SLC22A5: variants seen among roughly 807,000 people sequenced by gnomAD.
The protein encoded by SLC22A5 is organic cation/carnitine transporter 2.
SLC22A5 carries 44 observed loss-of-function variants against 56.7 expected under a neutral mutation model. That is an observed-to-expected ratio of 0.78 (90% CI 0.61 to 1.00). The LOEUF is 1.00. Ranked by LOEUF, SLC22A5 falls within the 50% of genes least tolerant of loss-of-function variation. The pLI is 0.00. For missense variants in SLC22A5, 675 were observed against 723.0 expected (o/e 0.93, Z 0.76); for synonymous variants, 278 against 292.1 (o/e 0.95, Z 0.49).
chr5:132,371,994 T>C (rs1751953166), intron 1 of SLC22A5, among the ~76,000 whole-genome samples: 1 of 152,168 alleles, frequency 6.6e-6, no homozygotes, highest in Non-Finnish European at 1.5e-5. Context: ...TGTGTGTGTT[T>C]TTTCTTTTTG....
Position 132,390,684 on chromosome 5 carries a change from T to C in SLC22A5, c.1053-6T>C, listed in dbSNP as rs1752665099. ...TTTTCCAGCTTTCTTCTGCACTCTG[T>C]TTCAGGATGACCATATCAGTGGGCT... On this transcript the variant is annotated splice_region_variant and splice_polypyrimidine_tract_variant and intron_variant, in intron 6 of 9. Coordinates refer to ENST00000245407, the MANE Select transcript of SLC22A5 (RefSeq NM_003060.4). 1 of 1,607,792 alleles carries C rather than the reference T, an allele frequency of 6.2e-7. No homozygotes were observed. Among genetic ancestry groups the C allele is most frequent in the Non-Finnish European group, 8.5e-7 (1 of 1,174,138 alleles).
intron 1 of SLC22A5, among the ~76,000 whole-genome samples, chr5:132,373,622 C>T (rs997179416): frequency 6.6e-6 from 1 of 151,936 alleles, no homozygotes; most frequent in Admixed American, 6.6e-5. Flanking sequence ...GGCGACAAAG[C>T]GAGACTCCAT....
intron 1 of SLC22A5, among the ~76,000 whole-genome samples, chr5:132,374,351 T>C (rs528298512): frequency 6.6e-6 from 1 of 152,360 alleles, no homozygotes; most frequent in African/African-American, 2.4e-5. Context: ...TGTCCTGGAC[T>C]AGCTTTTCTA....
At chr5:132,390,497 C>G (rs1752659960) in intron 6 of SLC22A5, 193 bp from the exon 7 acceptor site, 3 of 673,048 alleles carry the variant, frequency 4.5e-6, no homozygotes, top group Non-Finnish European at 8.1e-6. Flanking sequence ...AGGGTTTACA[C>G]TGTACCACTT....
rs371249786 is a variant in SLC22A5, at chr5:132,392,789, A to T, written c.1450+174A>T. On this transcript the variant is annotated intron_variant, in intron 8 of 9. Transcript: ENST00000245407. ...TTCTTGTCCCAGTGCACTGGCCCTC[A>T]CTTTCAAATGGAAAACAACCTATAG... Among the ~76,000 whole-genome samples the T allele has an allele frequency of 2.6e-5, 4 of 152,318 alleles. No homozygotes were observed. The East Asian group carries it at 7.7e-4, about 29-fold the overall frequency.
chr5:132,387,516 T>C (rs1252460640), intron 5 of SLC22A5, among the ~76,000 whole-genome samples: 1 of 152,216 alleles, frequency 6.6e-6, no homozygotes, highest in African/African-American at 2.4e-5. Flanking sequence ...ATACCTAAGG[T>C]GGCTTGTCAC....
rs1277750569 is a variant in SLC22A5, at chr5:132,387,098, G to GCT, written c.899_900dup (p.Ala301LeufsTer22). The stretch of plus-strand genomic sequence containing the variant: ...AGAGGCAGAGGTGATCATCCGCAAG[G>GCT]CTGCCAAAGCCAATGGGATTGTTGT... On this transcript the variant is annotated frameshift_variant, in exon 5 of 10. Coordinates refer to ENST00000245407, the MANE Select transcript of SLC22A5 (RefSeq NM_003060.4). LOFTEE classifies it high-confidence loss of function. The GCT allele has an allele frequency of 6.2e-7, 1 of 1,614,184 alleles. No individual in the cohort carries two copies. The highest frequency in any genetic ancestry group is 8.5e-7 in the Non-Finnish European group (1 of 1,180,030).
chr5:132,391,065 A>G (rs1321104367), intron 7 of SLC22A5, among the ~76,000 whole-genome samples, 161 bp downstream of exon 7: 3 of 152,248 alleles, frequency 2.0e-5, no homozygotes, highest in Non-Finnish European at 4.4e-5. Context: ...TTCTGAGACT[A>G]GAACACTTAT....
chr5:132,384,571 A>G lies in SLC22A5; in HGVS notation c.652+270A>G, dbSNP rs635620. ...TGTGGCTCCTTGGTCTTAGTACTTGATGGTCAATTTACTAGGACTCACCAG... is the reference window on the plus strand; with the variant it reads ...TGTGGCTCCTTGGTCTTAGTACTTGGTGGTCAATTTACTAGGACTCACCAG... On this transcript the variant is annotated intron_variant, in intron 3 of 9. Coordinates refer to ENST00000245407, the MANE Select transcript of SLC22A5 (RefSeq NM_003060.4). Among the ~76,000 whole-genome samples, 43,263 of 151,720 alleles carry G rather than the reference A, an allele frequency of 0.29. 6,817 individuals are homozygous for G. The highest frequency in any genetic ancestry group is 0.56 in the South Asian group (2,694 of 4,802).
At chr5:132,386,991 G>A (rs1752552554) in intron 4 of SLC22A5, 34 bp from the exon 5 acceptor site, 4 of 1,613,348 alleles carry the variant, frequency 2.5e-6, no homozygotes, top group African/African-American at 1.3e-5. Context: ...TGTTGGCAGG[G>A]AGGCCTCACT....
chr5:132,370,597 G>T (rs3788987), intron 1 of SLC22A5, among the ~76,000 whole-genome samples: 1 of 152,082 alleles, frequency 6.6e-6, no homozygotes, highest in Non-Finnish European at 1.5e-5. Context: ...CTGGCCTCCC[G>T]TCCTGATGGC....
At chr5:132,372,813 T>C (rs553813371) in intron 1 of SLC22A5, among the ~76,000 whole-genome samples, 10 of 152,204 alleles carry the variant, frequency 6.6e-5, no homozygotes, top group Non-Finnish European at 1.3e-4. Flanking sequence ...CTATGGCCTG[T>C]TGTCTTTCAA....
chr5:132,392,621 T>C lies in SLC22A5; in HGVS notation c.1450+6T>C. Reference sequence around the variant, plus strand: ...TCCCTACTTCGTTTACCTTGGTAAGTCCCATGAGCCAAGGGCACACTAGAG... The same window carrying C: ...TCCCTACTTCGTTTACCTTGGTAAGCCCCATGAGCCAAGGGCACACTAGAG... On this transcript the variant is annotated splice_donor_region_variant and intron_variant, in intron 8 of 9. Coordinates refer to ENST00000245407, the MANE Select transcript of SLC22A5 (RefSeq NM_003060.4). 6.2e-7 allele frequency: 1 copy of C among 1,613,474 alleles called. No individual in the cohort carries two copies. The highest frequency in any genetic ancestry group is 2.2e-5 in the East Asian group (1 of 44,874).
intron 1 of SLC22A5, among the ~76,000 whole-genome samples, chr5:132,375,324 T>C (rs1055388393): frequency 2.5e-4 from 38 of 152,186 alleles, no homozygotes; most frequent in African/African-American, 8.7e-4. Flanking sequence ...GGATTCATCA[T>C]TGATTTCAGC....
chr5:132,391,150 T>C (rs1363084506), intron 7 of SLC22A5, among the ~76,000 whole-genome samples: 3 of 152,210 alleles, frequency 2.0e-5, no homozygotes, highest in South Asian at 2.1e-4. Context: ...CCCAAGTTAA[T>C]GTGCTCATAC....
chr5:132,392,728 G>A, intron 8 of SLC22A5, 113 bp downstream of exon 8: 1 of 890,292 alleles, frequency 1.1e-6, no homozygotes, highest in Non-Finnish European at 1.8e-6. Flanking sequence ...ACAGTACATG[G>A]GCTCCATCCA....
chr5:132,384,076 C>A (rs1012718188), intron 2 of SLC22A5, 71 bp from the exon 3 acceptor site: 3 of 1,482,826 alleles, frequency 2.0e-6, no homozygotes, highest in South Asian at 2.3e-5. Context: ...CTTGAGAAAG[C>A]CCCACTTGGT....
rs1325550898 is a variant in SLC22A5 at position 132,388,911 on chromosome 5, G to T, written c.952-10G>T. 6.3e-7 allele frequency: 1 copy of T among 1,580,380 alleles called. No homozygotes were observed. Among genetic ancestry groups the T allele is most frequent in the South Asian group, 1.1e-5 (1 of 90,338 alleles). On this transcript the variant is annotated splice_polypyrimidine_tract_variant and intron_variant, in intron 5 of 9. Coordinates refer to ENST00000245407, the MANE Select transcript of SLC22A5 (RefSeq NM_003060.4). ...CTTCTTCCCATACACTTATGATGTTGTTCCTGCAGTTACAAGACCTAAGTT... is the reference window on the plus strand; with the variant it reads ...CTTCTTCCCATACACTTATGATGTTTTTCCTGCAGTTACAAGACCTAAGTT...
At chr5:132,370,516 C>T in intron 1 of SLC22A5, 151 bp downstream of exon 1, 1 of 959,106 alleles carries the variant, frequency 1.0e-6, no homozygotes, top group Admixed American at 2.4e-5. Flanking sequence ...ACCCTCCAGC[C>T]AGGTGGCTTG....
Sources: gnomAD v4.1 joint callset for allele counts (sites outside exome capture counted in the v4.1 genomes callset) on GRCh38, gnomAD v4.1.1 for gene constraint, MANE v1.5 for transcripts, NCBI Gene and HGNC (gene_info 2026-07-23, HGNC 2026-07-21) for gene names.